VWA3B: variants seen among roughly 807,000 people sequenced by gnomAD.
VWA3B encodes the protein von Willebrand factor A domain containing 3B, also known as von Willebrand factor A domain-containing protein 3B.
Under a neutral mutation model 158.3 loss-of-function variants are expected in VWA3B, and 138 were observed. That is an observed-to-expected ratio of 0.87 (90% CI 0.76 to 1.00). The LOEUF is 1.00. Ranked by LOEUF, VWA3B falls within the 50% of genes least tolerant of loss-of-function variation. The pLI is 0.00. For synonymous variants in VWA3B, 596 were observed against 587.3 expected, an observed-to-expected ratio of 1.01 and a Z score of -0.21; for missense variants, 1,555 against 1,565.1, an observed-to-expected ratio of 0.99 and a Z score of 0.11.
intron 23 of VWA3B, among the ~76,000 whole-genome samples, chr2:98,297,137 A>G (rs1269349050): frequency 6.6e-6 from 1 of 151,488 alleles, no homozygotes; most frequent in Non-Finnish European, 1.5e-5. Context: ...GCTGGAGTGC[A>G]ATGACGCAAT....
chr2:98,281,248 T>C (rs1218086729), intron 22 of VWA3B, among the ~76,000 whole-genome samples: 1 of 152,212 alleles, frequency 6.6e-6, no homozygotes, highest in African/African-American at 2.4e-5. Context: ...CCCTGTCCTG[T>C]TCACCAAGGT....
chr2:98,284,356 A>T (rs2105928670), intron 22 of VWA3B, among the ~76,000 whole-genome samples: 1 of 152,328 alleles, frequency 6.6e-6, no homozygotes, highest in Admixed American at 6.5e-5. Context: ...GGTCCAAATG[A>T]TAGATGGCTA....
intron 2 of VWA3B, among the ~76,000 whole-genome samples, chr2:98,098,988 C>G (rs1199028016): frequency 6.6e-6 from 1 of 152,236 alleles, no homozygotes; most frequent in South Asian, 2.1e-4. Context: ...TAAACTTTAA[C>G]TCTATCCCCC....
intron 17 of VWA3B, 141 bp from the exon 18 acceptor site, chr2:98,236,249 C>A: frequency 1.1e-6 from 1 of 947,932 alleles, no homozygotes; most frequent in Non-Finnish European, 1.6e-6. Flanking sequence ...CCCGCTCTGA[C>A]AAATCAGGAT....
chr2:98,108,191 G>C (rs1213592704), intron 2 of VWA3B, among the ~76,000 whole-genome samples: 2 of 151,750 alleles, frequency 1.3e-5, no homozygotes, highest in African/African-American at 4.8e-5. Context: ...ATTTATTTTT[G>C]ATTTCTAGTT....
At chr2:98,318,067 A>G (rs1333486398), downstream of VWA3B, among the ~76,000 whole-genome samples, 1 of 152,184 alleles carries the variant, frequency 6.6e-6, no homozygotes, top group Admixed American at 6.5e-5. Context: ...AAGTAAAGAA[A>G]ATAACAGATG....
At chr2:98,228,861 C>T (rs549052632) in intron 15 of VWA3B, 2 of 152,288 alleles carry the variant, frequency 1.3e-5, no homozygotes, top group African/African-American at 4.8e-5. Context: ...CACCGCCAAA[C>T]ACTCAGGAAA....
At chr2:98,099,469 T>C (rs1483476154) in intron 2 of VWA3B, 1 of 152,248 alleles carries the variant, frequency 6.6e-6, no homozygotes, top group Non-Finnish European at 1.5e-5. Flanking sequence ...CTTCCTTATA[T>C]GTTACTAGCT....
intron 22 of VWA3B, among the ~76,000 whole-genome samples, chr2:98,286,375 A>T (rs184011136): frequency 2.1e-3 from 320 of 152,218 alleles, no homozygotes; most frequent in African/African-American, 7.3e-3. Flanking sequence ...GTTTTTCTAA[A>T]TTAGGTATCA....
intron 1 of VWA3B, among the ~76,000 whole-genome samples, chr2:98,091,156 A>G (rs1230472699): frequency 6.6e-6 from 1 of 152,208 alleles, no homozygotes; most frequent in Admixed American, 6.5e-5. Context: ...ACTAGAATGC[A>G]GTCCTACTGG....
At chr2:98,191,107 T>C (rs1008889270) in intron 10 of VWA3B, among the ~76,000 whole-genome samples, 1 of 152,124 alleles carries the variant, frequency 6.6e-6, no homozygotes, top group Non-Finnish European at 1.5e-5. Context: ...AATCTTTTCT[T>C]CTCCTAATGT....
At chr2:98,316,225 A>T (rs1174761931), downstream of VWA3B, among the ~76,000 whole-genome samples, 1 of 152,240 alleles carries the variant, frequency 6.6e-6, no homozygotes, top group East Asian at 1.9e-4. Context: ...ACAAGAAGGC[A>T]GTAGGCAGAT....
chr2:98,096,937 A>G (rs1682756899), intron 2 of VWA3B, among the ~76,000 whole-genome samples: 1 of 151,906 alleles, frequency 6.6e-6, no homozygotes, highest in African/African-American at 2.4e-5. Flanking sequence ...AAGGTAAAAC[A>G]TTGGGTTGTT....
chr2:98,190,739 G>T (rs1303618941), intron 10 of VWA3B, among the ~76,000 whole-genome samples: 2 of 151,940 alleles, frequency 1.3e-5, no homozygotes, highest in Non-Finnish European at 2.9e-5. Context: ...ATTTTTGTTT[G>T]CTCCTCTACA....
At chr2:98,127,002 G>A (rs1036686350) in intron 5 of VWA3B, among the ~76,000 whole-genome samples, 2 of 146,726 alleles carry the variant, frequency 1.4e-5, no homozygotes, top group Admixed American at 7.0e-5. Flanking sequence ...TGCATTTAAG[G>A]CCTCGGATAG....
chr2:98,161,470 G>A (rs183139528), intron 7 of VWA3B, among the ~76,000 whole-genome samples: 281 of 152,356 alleles, frequency 1.8e-3, no homozygotes, highest in Non-Finnish European at 2.9e-3. Flanking sequence ...TGCTCAGGAC[G>A]TGCTGCTTGG....
intron 8 of VWA3B, among the ~76,000 whole-genome samples, chr2:98,179,783 TTCTTTTC>T (rs1181867063): frequency 1.5e-5 from 1 of 68,786 alleles, no homozygotes; most frequent in Non-Finnish European, 3.1e-5. Context: ...TTCTTTCTCT[TTCTTTTC>T]TTTCTTTCTT....
intron 9 of VWA3B, among the ~76,000 whole-genome samples, chr2:98,182,864 C>T (rs990624848): frequency 2.0e-5 from 3 of 152,132 alleles, no homozygotes; most frequent in Admixed American, 6.5e-5. Context: ...GCCAAGATTG[C>T]GCCATTGCAC....
At chr2:98,303,062 ATG>A (rs1163546298) in intron 25 of VWA3B, among the ~76,000 whole-genome samples, 1 of 152,130 alleles carries the variant, frequency 6.6e-6, no homozygotes, top group Non-Finnish European at 1.5e-5. Flanking sequence ...CCCCTTCCTG[ATG>A]TGTGGGACCA....
Sources: allele counts gnomAD v4.1 joint callset (sites outside exome capture counted in the v4.1 genomes callset), GRCh38; gene constraint gnomAD v4.1.1; transcripts MANE v1.5; gene names NCBI Gene and HGNC (gene_info 2026-07-23, HGNC 2026-07-21).